The following SWT1 variants were observed in gnomAD, a reference collection of about 807,000 sequenced individuals.
The protein encoded by SWT1 is SWT1 RNA endoribonuclease homolog.
In SWT1, 33 loss-of-function variants were observed where a neutral mutation model predicts 107.3. The ratio of observed to expected loss-of-function variants is 0.31; its 90% CI spans 0.23 to 0.41. SWT1 has a LOEUF of 0.41. Ranked by LOEUF, SWT1 falls within the 10% of genes least tolerant of loss-of-function variation. The pLI, the probability that SWT1 is intolerant of heterozygous loss-of-function variation, is 1.00. For synonymous variants in SWT1, 345 were observed against 348.3 expected (o/e 0.99, Z 0.11); for missense variants, 898 against 1,028.9 (o/e 0.87, Z 1.74).
At chr1:185,267,889 G>T (rs1663517965) in intron 16 of SWT1, among the ~76,000 whole-genome samples, 1 of 152,104 alleles carries the variant, frequency 6.6e-6, no homozygotes, top group Admixed American at 6.5e-5. Context: ...TTTAGAGAAG[G>T]CTGACCTCTC....
chr1:185,245,405 T>G (rs1661536547), intron 16 of SWT1, among the ~76,000 whole-genome samples: 1 of 152,174 alleles, frequency 6.6e-6, no homozygotes, highest in East Asian at 1.9e-4. Context: ...AGCTGTCTCC[T>G]ATGATAACAG....
intron 16 of SWT1, among the ~76,000 whole-genome samples, chr1:185,249,306 C>T (rs1661839702): frequency 6.6e-6 from 1 of 152,002 alleles, no homozygotes; most frequent in East Asian, 1.9e-4. Flanking sequence ...CAGTCACAGA[C>T]CTGCCTAGGT....
At chr1:185,161,792 A>C (rs978562776) in intron 2 of SWT1, among the ~76,000 whole-genome samples, 10 of 152,218 alleles carry the variant, frequency 6.6e-5, no homozygotes, top group African/African-American at 2.4e-4. Flanking sequence ...GCAAAACTGC[A>C]AAACAAACAA....
intron 18 of SWT1, chr1:185,280,998 G>A: frequency 2.6e-6 from 1 of 381,320 alleles, no homozygotes; most frequent in Non-Finnish European, 5.3e-6. Context: ...ATGTCCAAGA[G>A]TTTTCAGTCC....
intron 17 of SWT1, among the ~76,000 whole-genome samples, chr1:185,275,455 A>G (rs1292962900): frequency 6.7e-6 from 1 of 148,564 alleles, no homozygotes; most frequent in East Asian, 1.9e-4. Context: ...ATAATTAAAT[A>G]ATACTAAATA....
chr1:185,256,245 GACA>G (rs1265506095), intron 16 of SWT1, among the ~76,000 whole-genome samples: 3 of 151,718 alleles, frequency 2.0e-5, no homozygotes, highest in Non-Finnish European at 4.4e-5. Flanking sequence ...TGGTGAATCT[GACA>G]ATTATGTGTC....
chr1:185,211,771 G>A (rs899240293), intron 13 of SWT1, among the ~76,000 whole-genome samples: 1 of 152,104 alleles, frequency 6.6e-6, no homozygotes, highest in African/African-American at 2.4e-5. Flanking sequence ...GTTTATTGTG[G>A]CACTATTCAC....
intron 16 of SWT1, among the ~76,000 whole-genome samples, chr1:185,263,101 T>G (rs963098956): frequency 1.3e-5 from 2 of 152,194 alleles, no homozygotes; most frequent in African/African-American, 4.8e-5. Flanking sequence ...TTTTCTCTTC[T>G]TATTAGGACA....
intron 16 of SWT1, among the ~76,000 whole-genome samples, chr1:185,243,464 T>G (rs753716996): frequency 1.3e-5 from 2 of 152,132 alleles, no homozygotes; most frequent in Non-Finnish European, 2.9e-5. Context: ...TAAATAACTT[T>G]TAGCACCTCA....
intron 8 of SWT1, 109 bp from the exon 9 acceptor site, chr1:185,184,634 C>T: frequency 1.5e-6 from 1 of 653,920 alleles, no homozygotes; most frequent in East Asian, 3.1e-5. Flanking sequence ...TTGTGAATTT[C>T]CTAAAGGTAG....
intron 18 of SWT1, chr1:185,280,764 G>A: frequency 3.7e-6 from 1 of 268,312 alleles, no homozygotes; most frequent in Non-Finnish European, 7.4e-6. Flanking sequence ...GCTGGGCCTG[G>A]AGGAGCTGAG....
intron 15 of SWT1, among the ~76,000 whole-genome samples, chr1:185,228,106 C>A (rs534673236): frequency 1.4e-5 from 2 of 140,678 alleles, no homozygotes; most frequent in Admixed American, 7.1e-5. Context: ...GAAAGGGTAT[C>A]AAAAAAGTCT....
intron 10 of SWT1, among the ~76,000 whole-genome samples, chr1:185,197,191 G>C (rs1657466760): frequency 6.6e-6 from 1 of 152,134 alleles, no homozygotes; most frequent in South Asian, 2.1e-4. Flanking sequence ...GAATTTTACT[G>C]AAGGCCTTTT....
intron 11 of SWT1, among the ~76,000 whole-genome samples, chr1:185,204,220 G>C (rs933407209): frequency 6.6e-6 from 1 of 151,990 alleles, no homozygotes; most frequent in Admixed American, 6.6e-5. Context: ...AGAGGTTTCA[G>C]TGAGCCAAGA....
intron 14 of SWT1, among the ~76,000 whole-genome samples, chr1:185,216,962 A>AG (rs1659267284): frequency 1.3e-5 from 2 of 151,326 alleles, no homozygotes; most frequent in Admixed American, 1.3e-4. Context: ...AAAAAAAAAA[A>AG]AAAGAAAAGA....
At chr1:185,217,243 A>C (rs988426199) in intron 14 of SWT1, among the ~76,000 whole-genome samples, 6 of 152,162 alleles carry the variant, frequency 3.9e-5, no homozygotes, top group African/African-American at 1.2e-4. Flanking sequence ...TAGTCCTTTA[A>C]AACAGGGGTC....
chr1:185,165,047 T>C (rs1432133235), intron 2 of SWT1, among the ~76,000 whole-genome samples: 1 of 152,178 alleles, frequency 6.6e-6, no homozygotes, highest in African/African-American at 2.4e-5. Context: ...GAGGTCATTG[T>C]TGGGTCATTA....
At chr1:185,213,052 A>G (rs753193700) in intron 13 of SWT1, among the ~76,000 whole-genome samples, 20 of 152,090 alleles carry the variant, frequency 1.3e-4, no homozygotes, top group Non-Finnish European at 2.5e-4. Flanking sequence ...GCATTAGACT[A>G]TTTCATTCAT....
chr1:185,289,766 C>T (rs891231071), intron 18 of SWT1, among the ~76,000 whole-genome samples: 5 of 152,214 alleles, frequency 3.3e-5, no homozygotes, highest in Non-Finnish European at 7.4e-5. Flanking sequence ...CAGATACCCA[C>T]ATGTTCTCAC....
Sources: gnomAD v4.1 joint callset for allele counts (sites outside exome capture counted in the v4.1 genomes callset) on GRCh38, gnomAD v4.1.1 for gene constraint, MANE v1.5 for transcripts, NCBI Gene and HGNC (gene_info 2026-07-23, HGNC 2026-07-21) for gene names.